The following HPSE2 variants were observed in gnomAD, a reference collection of about 807,000 sequenced individuals.
HPSE2 encodes inactive heparanase-2.
In HPSE2, 38 loss-of-function variants were observed where a neutral mutation model predicts 60.5. The ratio of observed to expected loss-of-function variants is 0.63; its 90% CI spans 0.48 to 0.82. HPSE2 has a LOEUF of 0.82. Among genes scored for constraint, HPSE2 ranks in the 40% least tolerant of loss-of-function variants. The pLI, the probability that HPSE2 is intolerant of heterozygous loss-of-function variation, is 0.00. For missense variants in HPSE2, 713 were observed against 740.4 expected (o/e 0.96, Z 0.43); for synonymous variants, 295 against 293.2 (o/e 1.01, Z -0.06).
intron 3 of HPSE2, among the ~76,000 whole-genome samples, chr10:98,854,501 A>C (rs949328833): frequency 2.0e-5 from 3 of 152,236 alleles, no homozygotes; most frequent in Admixed American, 2.0e-4. Context: ...CTAAAGACCT[A>C]GTAGTGCAGT....
At chr10:99,090,391 T>C (rs1422101063) in intron 3 of HPSE2, among the ~76,000 whole-genome samples, 2 of 152,148 alleles carry the variant, frequency 1.3e-5, no homozygotes, top group Non-Finnish European at 2.9e-5. Context: ...AAATATGTTC[T>C]GAACGAAGGA....
At chr10:98,696,567 C>G (rs1478606484) in intron 5 of HPSE2, among the ~76,000 whole-genome samples, 1 of 148,860 alleles carries the variant, frequency 6.7e-6, no homozygotes, top group African/African-American at 2.5e-5. Flanking sequence ...TTGGAAGATC[C>G]CATTTATAAG....
chr10:99,186,921 T>A (rs1848051040), intron 2 of HPSE2, among the ~76,000 whole-genome samples: 1 of 152,010 alleles, frequency 6.6e-6, no homozygotes. Flanking sequence ...TAGCTGGAAC[T>A]ATAAGCACAC....
intron 2 of HPSE2, among the ~76,000 whole-genome samples, chr10:99,225,388 G>A (rs1849439356): frequency 6.6e-6 from 1 of 151,944 alleles, no homozygotes; most frequent in South Asian, 2.1e-4. Context: ...CAGCTTCAGT[G>A]TCAAACAGAG....
At chr10:99,086,346 CTTTTT>C (rs66562418) in intron 3 of HPSE2, among the ~76,000 whole-genome samples, 14 of 82,998 alleles carry the variant, frequency 1.7e-4, no homozygotes, top group African/African-American at 4.5e-4. Context: ...AAAGTACTTT[CTTTTT>C]TTTTTTTTTT....
chr10:99,258,923 TAGA>T, the HPSE2 span, among the ~76,000 whole-genome samples: 4 of 152,306 alleles, frequency 2.6e-5, no homozygotes, highest in Middle Eastern at 3.4e-3. Context: ...GAAGAAAACA[TAGA>T]AGTTCTTTAT....
chr10:99,293,939 C>A, the HPSE2 span, among the ~76,000 whole-genome samples: 4 of 152,210 alleles, frequency 2.6e-5, no homozygotes, highest in East Asian at 7.7e-4. Flanking sequence ...TGTCCAAATG[C>A]CTGGACAAAT....
intron 4 of HPSE2, among the ~76,000 whole-genome samples, chr10:98,741,650 G>C (rs1193016326): frequency 6.6e-6 from 1 of 151,954 alleles, no homozygotes; most frequent in Admixed American, 6.6e-5. Context: ...ATCACTTGTA[G>C]GTAAGTTTTA....
At chr10:99,062,943 G>A (rs183370724) in intron 3 of HPSE2, among the ~76,000 whole-genome samples, 1 of 152,238 alleles carries the variant, frequency 6.6e-6, no homozygotes, top group Admixed American at 6.5e-5. Flanking sequence ...AAGAAAACAA[G>A]GATAGTACTA....
Position 99,184,807 on chromosome 10 carries a change from T to C in HPSE2, c.449-40408A>G, listed in dbSNP as rs1328818045. Among the ~76,000 whole-genome samples, 71 of 36,178 alleles carry C rather than the reference T, an allele frequency of 2.0e-3. 9 individuals carry two copies. The highest frequency in any genetic ancestry group is 8.0e-3 in the Admixed American group (21 of 2,634). 23.7% of individuals were successfully genotyped at this position (36,178 alleles called of 152,430 possible). A position where few individuals can be genotyped will look rare whatever the true frequency, so the allele number is the denominator to read the frequency against. ...AAAATTATATATATATATATATATATATATATATATATAGAGAGAGAGAGA... is the reference window on the plus strand; with the variant it reads ...AAAATTATATATATATATATATATACATATATATATATAGAGAGAGAGAGA... On this transcript the variant is annotated intron_variant, in intron 2 of 11. Coordinates refer to ENST00000370552, the MANE Select transcript of HPSE2 (RefSeq NM_021828.5).
Position 98,577,149 on chromosome 10 carries a change from C to T in HPSE2, c.1320+37755G>A, listed in dbSNP as rs535284697. On this transcript the variant is annotated intron_variant, in intron 9 of 11. Transcript: ENST00000370552. ...ATACATAGTTATCCATGATACCCAC[C>T]GAGAATGGAAACCATCCACAGGCAA... Among the ~76,000 whole-genome samples the T allele has an allele frequency of 2.0e-5, 3 of 151,960 alleles. No individual in the cohort carries two copies. The South Asian group carries it at 6.3e-4, about 32-fold the overall frequency.
intron 3 of HPSE2, among the ~76,000 whole-genome samples, chr10:98,944,227 A>C (rs1242867885): frequency 6.6e-6 from 1 of 152,108 alleles, no homozygotes; most frequent in Non-Finnish European, 1.5e-5. Flanking sequence ...AAAATGTATT[A>C]AGGGACAGTA....
intron 3 of HPSE2, among the ~76,000 whole-genome samples, chr10:99,133,173 T>C (rs1845512825): frequency 6.6e-6 from 1 of 152,204 alleles, no homozygotes; most frequent in South Asian, 2.1e-4. Context: ...ATGGTTGCTG[T>C]GGCCAGACTG....
intron 4 of HPSE2, among the ~76,000 whole-genome samples, chr10:98,739,632 T>TA (rs1949446141): frequency 6.6e-6 from 1 of 152,152 alleles, no homozygotes; most frequent in South Asian, 2.1e-4. Context: ...TTTACAAAAT[T>TA]ACTTAGTAGA....
the HPSE2 span, among the ~76,000 whole-genome samples, chr10:99,305,979 G>GCGCGCGCACACACACACACACACA: frequency 1.3e-3 from 104 of 80,546 alleles, no homozygotes; most frequent in African/African-American, 1.6e-3. Flanking sequence ...GCGCGCGCGC[G>GCGCGCGCACACACACACACACACA]CACACACACA....
intron 3 of HPSE2, among the ~76,000 whole-genome samples, chr10:99,003,932 T>C (rs182164628): frequency 1.8e-4 from 28 of 152,226 alleles, no homozygotes; most frequent in Admixed American, 1.7e-3. Flanking sequence ...GATTCTAAAT[T>C]TAAGTCTTTT....
intron 3 of HPSE2, among the ~76,000 whole-genome samples, chr10:98,964,762 A>G (rs1275332149): frequency 6.6e-6 from 1 of 152,196 alleles, no homozygotes; most frequent in African/African-American, 2.4e-5. Flanking sequence ...AGTTCTAGTC[A>G]TATCTTCTTA....
intron 9 of HPSE2, among the ~76,000 whole-genome samples, chr10:98,537,797 C>A (rs969258527): frequency 5.9e-5 from 9 of 152,334 alleles, no homozygotes; most frequent in African/African-American, 2.2e-4. Flanking sequence ...ATTATCCAGG[C>A]CTGCCTGCAG....
At chr10:98,975,653 C>A (rs1180060283) in intron 3 of HPSE2, among the ~76,000 whole-genome samples, 2 of 152,042 alleles carry the variant, frequency 1.3e-5, no homozygotes, top group Non-Finnish European at 2.9e-5. Flanking sequence ...TCAGGAAATT[C>A]TCTTTCATAT....
Sources: gnomAD v4.1 joint callset for allele counts (sites outside exome capture counted in the v4.1 genomes callset) on GRCh38, gnomAD v4.1.1 for gene constraint, MANE v1.5 for transcripts, NCBI Gene and HGNC (gene_info 2026-07-23, HGNC 2026-07-21) for gene names.